The following MOB2 variants were observed in gnomAD, a reference collection of about 807,000 sequenced individuals.
The protein encoded by MOB2 is MOB2 Mps One Binder homolog.
MOB2 carries 14 observed loss-of-function variants against 27.4 expected under a neutral mutation model. The observed-to-expected ratio is 0.51, with a 90% CI of 0.34 to 0.80. The LOEUF (loss-of-function observed/expected upper bound fraction) is 0.80, where lower values mean the gene tolerates loss of function less well. Ranked by LOEUF, MOB2 falls within the 30% of genes least tolerant of loss-of-function variation. The probability of loss-of-function intolerance (pLI) is 0.01; values close to 1 mark genes in which losing one functional copy is unlikely to be tolerated. For missense variants in MOB2, 304 were observed against 354.6 expected (o/e 0.86, Z 1.15); for synonymous variants, 167 against 151.8 (o/e 1.10, Z -0.74).
At chr11:1,475,710 A>C (rs901143669) in intron 3 of MOB2, among the ~76,000 whole-genome samples, 6 of 151,806 alleles carry the variant, frequency 4.0e-5, no homozygotes, top group Non-Finnish European at 7.4e-5. Context: ...CCATCCTCTC[A>C]CCTCCTCCAC....
intron 1 of MOB2, among the ~76,000 whole-genome samples, chr11:1,485,315 C>T (rs766475926): frequency 3.9e-5 from 6 of 152,204 alleles, no homozygotes; most frequent in Non-Finnish European, 5.9e-5. Context: ...CACACACACG[C>T]CAGTCCCCTC....
intron 3 of MOB2, among the ~76,000 whole-genome samples, chr11:1,476,605 A>G (rs1381182929): frequency 6.6e-6 from 1 of 152,218 alleles, no homozygotes; most frequent in Non-Finnish European, 1.5e-5. Context: ...TTAAAAATCA[A>G]TCTCAGTGCT....
At chr11:1,472,033 G>C (rs1382227019) in intron 3 of MOB2, 1 of 152,474 alleles carries the variant, frequency 6.6e-6, no homozygotes, top group Non-Finnish European at 1.5e-5. Flanking sequence ...CGTGGCCCCA[G>C]AGCAGGCTGG....
At position 1,469,930 on chromosome 11, in the gene MOB2, T is replaced by G; in HGVS notation, c.*242A>C. 1.1e-6 allele frequency: 1 copy of G among 919,330 alleles called. No homozygotes were observed. Among genetic ancestry groups the G allele is most frequent in the Non-Finnish European group, 1.7e-6 (1 of 585,344 alleles). 56.9% of individuals were successfully genotyped at this position (919,330 alleles called of 1,614,324 possible). A position where few individuals can be genotyped will look rare whatever the true frequency, so the allele number is the denominator to read the frequency against. Reference sequence around the variant, plus strand: ...AAGCATCAGTCCCATGCGTGTCTGCTGAACGAGTGAATGGGCCCAAAGGCT... The same window carrying G: ...AAGCATCAGTCCCATGCGTGTCTGCGGAACGAGTGAATGGGCCCAAAGGCT... On this transcript the variant is annotated 3_prime_UTR_variant, in exon 5 of 5. Transcript: ENST00000329957.
rs764003154 is a variant in MOB2, at chr11:1,470,302, T to C, written c.677A>G (p.Lys226Arg). 4 of 1,613,228 alleles carry C rather than the reference T, an allele frequency of 2.5e-6. No individual in the cohort carries two copies. The African/African-American group carries it at 4.0e-5, about 16-fold the overall frequency. The change falls in exon 5 of 5, where the codon AAA becomes AGA. Residue 226 changes from lysine to arginine, a missense_variant. Coordinates refer to ENST00000329957, the MANE Select transcript of MOB2 (RefSeq NM_001172223.3). ...GAGGTCGTCCATGATGGCGGTCTCTTTGGGGTCCAGCAGGTTGAACTCCCG... is the reference window on the plus strand; with the variant it reads ...GAGGTCGTCCATGATGGCGGTCTCTCTGGGGTCCAGCAGGTTGAACTCCCG... ...FAREFNLLDP[K>R]ETAIMDDLTE... is the part of the protein sequence containing the mutation.
intron 1 of MOB2, among the ~76,000 whole-genome samples, chr11:1,484,945 T>C (rs1247291557): frequency 6.6e-6 from 1 of 152,180 alleles, no homozygotes; most frequent in Non-Finnish European, 1.5e-5. Context: ...AGCGAGCTTT[T>C]ACCAGCCTAC....
rs766575731 is a variant in MOB2 at position 1,470,174 on chromosome 11, A to G, written c.805T>C (p.Ter269ArgextTer34). 6.3e-7 allele frequency: 1 copy of G among 1,598,376 alleles called. No individual in the cohort carries two copies. The highest frequency in any genetic ancestry group is 8.5e-7 in the Non-Finnish European group (1 of 1,172,878). The change falls in exon 5 of 5, where the codon TGA becomes CGA. Residue 269 changes from the stop codon to arginine (R), a stop_lost. Coordinates refer to ENST00000329957, the MANE Select transcript of MOB2 (RefSeq NM_001172223.3). ...PGAQNHVKER[*>R] Reference sequence around the variant, plus strand: ...TGCCCCTGTCCGGCCCGGGGGGCTCATCTCTCCTTCACGTGGTTCTGTGCT... The same window carrying G: ...TGCCCCTGTCCGGCCCGGGGGGCTCGTCTCTCCTTCACGTGGTTCTGTGCT...
chr11:1,477,944 ATTTC>A (rs1847870131), intron 3 of MOB2, among the ~76,000 whole-genome samples: 1 of 151,892 alleles, frequency 6.6e-6, no homozygotes. Context: ...TCCTTATGGT[ATTTC>A]TTCTTTCCTG....
chr11:1,483,337 G>A (rs1391787939), intron 1 of MOB2, among the ~76,000 whole-genome samples: 1 of 152,238 alleles, frequency 6.6e-6, no homozygotes, highest in Admixed American at 6.5e-5. Context: ...CAGAGATGGC[G>A]CTGAAGGGAC....
At chr11:1,471,649 A>G in intron 3 of MOB2, 1 of 493,248 alleles carries the variant, frequency 2.0e-6, no homozygotes, top group Non-Finnish European at 3.6e-6. Flanking sequence ...CTACGCCAGG[A>G]TCACGCTGGG....
In MOB2 at chr11:1,470,295, G is replaced by A. The variant is rs762703495; in HGVS notation, c.684C>T (p.Thr228=). 2.1e-5 allele frequency: 34 copies of A among 1,613,294 alleles called. No homozygotes were observed. The highest frequency in any genetic ancestry group is 6.7e-5 in the East Asian group (3 of 44,866). The change falls in exon 5 of 5, where the codon ACC becomes ACT. Residue 228 remains threonine (T), a synonymous_variant. Transcript: ENST00000329957. The part of the protein sequence containing the change: ...REFNLLDPKE[T]AIMDDLTEVL... ...CCTCGGTGAGGTCGTCCATGATGGC[G>A]GTCTCTTTGGGGTCCAGCAGGTTGA...
At chr11:1,478,470 T>C (rs977346017) in intron 3 of MOB2, among the ~76,000 whole-genome samples, 1 of 152,232 alleles carries the variant, frequency 6.6e-6, no homozygotes, top group Non-Finnish European at 1.5e-5. Context: ...CTCCCAGCAC[T>C]GGAAGATGTG....
chr11:1,482,649 A>AC (rs1413737227), intron 1 of MOB2, among the ~76,000 whole-genome samples: 3 of 152,174 alleles, frequency 2.0e-5, no homozygotes, highest in Non-Finnish European at 4.4e-5. Context: ...TGTCCCCAGC[A>AC]CCCAGGGCTG....
At position 1,486,160 on chromosome 11, in the gene MOB2, C is replaced by T. The variant is rs115452612; in HGVS notation, c.110+287G>A. ...CCCGAAGGTCGAGGACACCAAGACC[C>T]GCTCCTCTCCCACAGAGCAACAGGA... On this transcript the variant is annotated intron_variant, in intron 1 of 4. Coordinates refer to ENST00000329957, the MANE Select transcript of MOB2 (RefSeq NM_001172223.3). Among the ~76,000 whole-genome samples the T allele has an allele frequency of 1.9e-3, 291 of 152,368 alleles. 2 individuals are homozygous for T. Among genetic ancestry groups the T allele is most frequent in the African/African-American group, 6.2e-3 (259 of 41,592 alleles).
intron 3 of MOB2, among the ~76,000 whole-genome samples, chr11:1,477,868 C>T (rs1418205067): frequency 6.6e-6 from 1 of 152,242 alleles, no homozygotes; most frequent in Admixed American, 6.5e-5. Flanking sequence ...GCTGCCCAGT[C>T]CCGTCTGTTC....
In MOB2 at chr11:1,469,499, T is replaced by A. The variant is rs761794943; in HGVS notation, c.*673A>T. The stretch of plus-strand genomic sequence containing the variant: ...TTTTATTACGAGTGAACAGATGAAC[T>A]AAGGTAAGCGGGTCTCAGCCTTCCG... On this transcript the variant is annotated 3_prime_UTR_variant, in exon 5 of 5. Transcript: ENST00000329957. The A allele has an allele frequency of 2.2e-6, 1 of 451,686 alleles. No individual in the cohort carries two copies. Among genetic ancestry groups the A allele is most frequent in the Non-Finnish European group, 4.5e-6 (1 of 223,634 alleles). 28.0% of individuals were successfully genotyped at this position (451,686 alleles called of 1,614,324 possible).
chr11:1,470,083 G>A lies in MOB2; in HGVS notation c.*89C>T. The A allele has an allele frequency of 6.5e-7, 1 of 1,543,708 alleles. No homozygotes were observed. The highest frequency in any genetic ancestry group is 8.7e-7 in the Non-Finnish European group (1 of 1,146,894). On this transcript the variant is annotated 3_prime_UTR_variant, in exon 5 of 5. Transcript: ENST00000329957. ...CCCTCTCAGACCTCACCACACGCGT[G>A]CCCAGCACATGTGTGCACACGCAGA...
rs866319075 is a variant in MOB2 at position 1,479,020 on chromosome 11, C to A, written c.365+1373G>T. ...ATTAATTCACACACATCTACTACCACCATGATGCCAGCTCCAGATGAGAAG... is the reference window on the plus strand; with the variant it reads ...ATTAATTCACACACATCTACTACCAACATGATGCCAGCTCCAGATGAGAAG... On this transcript the variant is annotated intron_variant, in intron 3 of 4. Coordinates refer to ENST00000329957, the MANE Select transcript of MOB2 (RefSeq NM_001172223.3). Among the ~76,000 whole-genome samples the A allele has an allele frequency of 5.3e-5, 8 of 152,376 alleles. No individual in the cohort carries two copies. The South Asian group carries it at 1.7e-3, about 32-fold the overall frequency.
At chr11:1,485,812 A>T (rs1030508150) in intron 1 of MOB2, among the ~76,000 whole-genome samples, 4 of 152,216 alleles carry the variant, frequency 2.6e-5, no homozygotes, top group Non-Finnish European at 5.9e-5. Context: ...CACCGAGCTG[A>T]GTGGTGTGGG....
Sources: gnomAD v4.1 joint callset for allele counts (sites outside exome capture counted in the v4.1 genomes callset) on GRCh38, gnomAD v4.1.1 for gene constraint, MANE v1.5 for transcripts, NCBI Gene and HGNC (gene_info 2026-07-23, HGNC 2026-07-21) for gene names.